Variants in EXOC6B observed in about 807,000 individuals in gnomAD.
EXOC6B encodes the protein exocyst complex component 6B.
In EXOC6B, 54 loss-of-function variants were observed where a neutral mutation model predicts 113.5. The ratio of observed to expected loss-of-function variants is 0.48; its 90% confidence interval spans 0.38 to 0.60. The LOEUF (loss-of-function observed/expected upper bound fraction) is 0.60. Ranked by LOEUF, EXOC6B falls within the 20% of genes least tolerant of loss-of-function variation. The probability of loss-of-function intolerance (pLI) is 0.00; values close to 1 mark genes in which losing one functional copy is unlikely to be tolerated. For missense variants in EXOC6B, 797 were observed against 977.5 expected (o/e 0.82, Z 2.46); for synonymous variants, 357 against 339.0 (o/e 1.05, Z -0.58).
intron 1 of EXOC6B, among the ~76,000 whole-genome samples, chr2:72,770,049 A>G (rs138964950): frequency 6.6e-6 from 1 of 152,316 alleles, no homozygotes; most frequent in Non-Finnish European, 1.5e-5. Flanking sequence ...TGAATATACA[A>G]TAACTCAAAA....
intron 20 of EXOC6B, among the ~76,000 whole-genome samples, chr2:72,264,153 G>C (rs144104510): frequency 8.5e-5 from 13 of 152,278 alleles, no homozygotes; most frequent in South Asian, 4.1e-4. Flanking sequence ...CCTGCCTATA[G>C]AGCTGAAGAC....
At chr2:72,400,220 G>A (rs986328598) in intron 18 of EXOC6B, among the ~76,000 whole-genome samples, 2 of 152,042 alleles carry the variant, frequency 1.3e-5, no homozygotes, top group Admixed American at 6.6e-5. Flanking sequence ...GGGAAAATTG[G>A]ATAGCCATAT....
intron 6 of EXOC6B, among the ~76,000 whole-genome samples, chr2:72,589,267 T>C (rs1705780133): frequency 6.6e-6 from 1 of 151,878 alleles, no homozygotes; most frequent in African/African-American, 2.4e-5. Flanking sequence ...ACTTCAAAAA[T>C]GAAAAAAGAG....
intron 19 of EXOC6B, 104 bp downstream of exon 19, chr2:72,379,625 A>G: frequency 9.1e-7 from 1 of 1,096,936 alleles, no homozygotes; most frequent in South Asian, 2.1e-5. Context: ...GTATTCTTTG[A>G]CTGCATTAGG....
chr2:72,535,204 C>T (rs566954340), intron 8 of EXOC6B, among the ~76,000 whole-genome samples: 1 of 152,226 alleles, frequency 6.6e-6, no homozygotes, highest in Non-Finnish European at 1.5e-5. Context: ...AAAGGAATCC[C>T]TAGATGTACC....
chr2:72,734,210 T>C (rs1179381184), intron 2 of EXOC6B, among the ~76,000 whole-genome samples: 1 of 152,186 alleles, frequency 6.6e-6, no homozygotes, highest in Non-Finnish European at 1.5e-5. Flanking sequence ...TGGACTATCA[T>C]TCAAAGCAGA....
chr2:72,419,939 G>T (rs1475619722), intron 18 of EXOC6B, among the ~76,000 whole-genome samples: 1 of 151,966 alleles, frequency 6.6e-6, no homozygotes, highest in Admixed American at 6.6e-5. Context: ...ATAATAGTCG[G>T]CTTGAAGGTG....
chr2:72,672,502 G>A (rs1203143704), intron 6 of EXOC6B, among the ~76,000 whole-genome samples: 4 of 143,126 alleles, frequency 2.8e-5, no homozygotes, highest in Non-Finnish European at 4.5e-5. Flanking sequence ...AGTCGAGATC[G>A]CGCCACTGCA....
At chr2:72,625,197 T>C (rs1354191139) in intron 6 of EXOC6B, among the ~76,000 whole-genome samples, 1 of 151,646 alleles carries the variant, frequency 6.6e-6, no homozygotes, top group Non-Finnish European at 1.5e-5. Flanking sequence ...ATTACAGGCA[T>C]GAGCCACCAC....
chr2:72,627,864 A>T (rs1392767664), intron 6 of EXOC6B, among the ~76,000 whole-genome samples: 1 of 152,044 alleles, frequency 6.6e-6, no homozygotes, highest in Admixed American at 6.6e-5. Flanking sequence ...GGTAGCTGGA[A>T]CTATAAACAT....
intron 17 of EXOC6B, among the ~76,000 whole-genome samples, chr2:72,466,010 T>C (rs1339373988): frequency 2.0e-5 from 3 of 152,122 alleles, no homozygotes; most frequent in South Asian, 4.1e-4. Flanking sequence ...TCAACAATCA[T>C]ATATGCGAGT....
chr2:72,574,300 A>G (rs1704693635), intron 7 of EXOC6B, among the ~76,000 whole-genome samples: 1 of 152,168 alleles, frequency 6.6e-6, no homozygotes, highest in Non-Finnish European at 1.5e-5. Flanking sequence ...TAATGACAAT[A>G]GAGATACATA....
chr2:72,419,811 G>A (rs1694760948), intron 18 of EXOC6B, among the ~76,000 whole-genome samples: 1 of 152,062 alleles, frequency 6.6e-6, no homozygotes. Context: ...AGTTTTTTGA[G>A]TTTCTTGCAT....
intron 16 of EXOC6B, among the ~76,000 whole-genome samples, chr2:72,482,060 T>G (rs911520276): frequency 6.6e-6 from 1 of 152,236 alleles, no homozygotes; most frequent in Non-Finnish European, 1.5e-5. Flanking sequence ...AAACTAATAC[T>G]ACGTCCTGTA....
At chr2:72,358,189 C>A (rs1224028260) in intron 19 of EXOC6B, among the ~76,000 whole-genome samples, 1 of 151,974 alleles carries the variant, frequency 6.6e-6, no homozygotes, top group East Asian at 1.9e-4. Context: ...TGTTCTGTCA[C>A]CTGTAAAGCA....
At chr2:72,430,674 T>C (rs1695469436) in intron 18 of EXOC6B, among the ~76,000 whole-genome samples, 1 of 152,174 alleles carries the variant, frequency 6.6e-6, no homozygotes, top group Non-Finnish European at 1.5e-5. Flanking sequence ...TACTCCTTTG[T>C]ATCTTAAAAA....
intron 10 of EXOC6B, among the ~76,000 whole-genome samples, chr2:72,514,419 G>C (rs902683636): frequency 6.6e-6 from 1 of 151,462 alleles, no homozygotes; most frequent in Non-Finnish European, 1.5e-5. Context: ...GCAATATAAA[G>C]TTGAAACCAG....
intron 6 of EXOC6B, among the ~76,000 whole-genome samples, chr2:72,578,111 G>A (rs952589301): frequency 6.6e-6 from 1 of 151,960 alleles, no homozygotes; most frequent in Admixed American, 6.6e-5. Flanking sequence ...AGTAGCACAG[G>A]TCTTGTTTCC....
chr2:72,797,915 G>C (rs940679162), intron 1 of EXOC6B, among the ~76,000 whole-genome samples: 4 of 151,896 alleles, frequency 2.6e-5, no homozygotes, highest in Admixed American at 6.6e-5. Flanking sequence ...ACTCAAAAAA[G>C]GGATGATGCA....
Sources: allele counts gnomAD v4.1 joint callset (sites outside exome capture counted in the v4.1 genomes callset), GRCh38; gene constraint gnomAD v4.1.1; transcripts MANE v1.5; gene names NCBI Gene and HGNC (gene_info 2026-07-23, HGNC 2026-07-21).